The following STK3 variants were observed in gnomAD, a reference collection of about 807,000 sequenced individuals.
STK3 encodes the protein serine/threonine-protein kinase 3.
A neutral mutation model predicts 58.0 loss-of-function variants in STK3; 41 were observed. The observed-to-expected ratio is 0.71, with a 90% CI of 0.55 to 0.92. The LOEUF (loss-of-function observed/expected upper bound fraction) is 0.92. Among genes scored for constraint, STK3 ranks in the 40% least tolerant of loss-of-function variants. The pLI, the probability that STK3 is intolerant of heterozygous loss-of-function variation, is 0.00. For missense variants in STK3, 479 were observed against 602.7 expected, an observed-to-expected ratio of 0.79 and a Z score of 2.15; for synonymous variants, 170 against 191.0, an observed-to-expected ratio of 0.89 and a Z score of 0.91.
intron 6 of STK3, among the ~76,000 whole-genome samples, chr8:98,615,193 AG>A (rs1457018214): frequency 6.6e-6 from 1 of 151,786 alleles, no homozygotes; most frequent in East Asian, 1.9e-4. Context: ...ACCCCCTAGC[AG>A]GGGCACACTG....
At chr8:98,472,238 T>G (rs566971304) in intron 10 of STK3, among the ~76,000 whole-genome samples, 1 of 152,186 alleles carries the variant, frequency 6.6e-6, no homozygotes, top group Non-Finnish European at 1.5e-5. Context: ...GTTAAATATA[T>G]GTAGTTTACT....
intron 6 of STK3, among the ~76,000 whole-genome samples, chr8:98,698,812 C>T (rs7846219): frequency 0.046 from 6,957 of 151,994 alleles, 161 homozygotes; most frequent in East Asian, 0.063. Flanking sequence ...TCCTTCATTT[C>T]AACTTTGGTG....
intron 8 of STK3, among the ~76,000 whole-genome samples, chr8:98,562,389 G>A (rs1440023021): frequency 2.0e-5 from 3 of 151,942 alleles, no homozygotes; most frequent in Non-Finnish European, 4.4e-5. Flanking sequence ...TACAAAAAAC[G>A]TAGTGTTAAA....
chr8:98,509,094 T>C (rs980469228), intron 10 of STK3, among the ~76,000 whole-genome samples: 1 of 152,068 alleles, frequency 6.6e-6, no homozygotes, highest in Non-Finnish European at 1.5e-5. Context: ...TGATCTAACC[T>C]GCTAGAGATT....
At chr8:98,802,900 A>G (rs190778015) in intron 1 of STK3, among the ~76,000 whole-genome samples, 1 of 152,334 alleles carries the variant, frequency 6.6e-6, no homozygotes, top group African/African-American at 2.4e-5. Flanking sequence ...CTGTGTGTGT[A>G]TGTGCGTGTT....
At chr8:98,791,442 T>C (rs554987467) in intron 1 of STK3, among the ~76,000 whole-genome samples, 5 of 152,214 alleles carry the variant, frequency 3.3e-5, no homozygotes, top group Admixed American at 2.6e-4. Context: ...AATACCACCA[T>C]CATTCTTCAC....
intron 4 of STK3, among the ~76,000 whole-genome samples, chr8:98,728,699 T>C (rs1392401265): frequency 3.3e-5 from 5 of 152,064 alleles, no homozygotes; most frequent in Non-Finnish European, 5.9e-5. Context: ...CCAGTATCTA[T>C]TACACAAAGG....
At chr8:98,797,449 A>G (rs1187412449) in intron 1 of STK3, among the ~76,000 whole-genome samples, 2 of 152,226 alleles carry the variant, frequency 1.3e-5, no homozygotes, top group Admixed American at 6.5e-5. Flanking sequence ...GCTTAGATCA[A>G]GGCAATAAGA....
chr8:98,557,735 C>T (rs541654604), intron 8 of STK3, among the ~76,000 whole-genome samples: 69 of 152,200 alleles, frequency 4.5e-4, no homozygotes, highest in Non-Finnish European at 9.0e-4. Flanking sequence ...CCTTTCACTA[C>T]GAAATCAGCT....
At chr8:98,470,410 T>C (rs1820831514) in intron 10 of STK3, among the ~76,000 whole-genome samples, 1 of 152,230 alleles carries the variant, frequency 6.6e-6, no homozygotes, top group South Asian at 2.1e-4. Context: ...ATTACCCCAG[T>C]TGTGAGAGAC....
chr8:98,345,983 T>C, the STK3 span, among the ~76,000 whole-genome samples: 1 of 152,086 alleles, frequency 6.6e-6, no homozygotes, highest in South Asian at 2.1e-4. Flanking sequence ...AGAAATAGTT[T>C]CAAAAGTTAA....
chr8:98,366,152 G>A, the STK3 span, among the ~76,000 whole-genome samples: 1 of 152,178 alleles, frequency 6.6e-6, no homozygotes, highest in South Asian at 2.1e-4. Context: ...ACTTTGTATT[G>A]TTGTGATTTT....
At chr8:98,602,876 T>TGAA (rs1491559534) in intron 6 of STK3, among the ~76,000 whole-genome samples, 152 of 136,380 alleles carry the variant, frequency 1.1e-3, no homozygotes, top group African/African-American at 3.7e-3. Context: ...TCCAAATAAC[T>TGAA]AAAAAAAAAA....
At chr8:98,704,994 G>C (rs1825868299) in intron 6 of STK3, among the ~76,000 whole-genome samples, 1 of 152,138 alleles carries the variant, frequency 6.6e-6, no homozygotes, top group Admixed American at 6.5e-5. Flanking sequence ...GATGAAATAA[G>C]ACTTTGTGTT....
chr8:98,539,051 A>G (rs1810015093), intron 9 of STK3, among the ~76,000 whole-genome samples: 1 of 152,220 alleles, frequency 6.6e-6, no homozygotes. Context: ...TCCTAAGTTA[A>G]AGAGGAATGG....
At chr8:98,452,950 A>G (rs371823086), downstream of STK3, among the ~76,000 whole-genome samples, 22,616 of 90,482 alleles carry the variant, frequency 0.25, 3,536 homozygotes, top group Admixed American at 0.33. Context: ...TAGTAGAGAC[A>G]GGGTTTCACC....
chr8:98,759,362 C>T (rs539307678), intron 3 of STK3, among the ~76,000 whole-genome samples: 5 of 150,940 alleles, frequency 3.3e-5, no homozygotes, highest in Non-Finnish European at 7.4e-5. Flanking sequence ...ATGGGGCCCA[C>T]GGCCTAGCAG....
rs1309653797 is a variant in STK3 at position 98,547,882 on chromosome 8, TA to T, written c.1141+86del. 2.4e-6 allele frequency: 3 copies of T among 1,239,196 alleles called. No individual in the cohort carries two copies. The African/African-American group carries it at 4.7e-5, about 19-fold the overall frequency. 76.8% of individuals were successfully genotyped at this position (1,239,196 alleles called of 1,614,324 possible). Reference sequence around the variant, plus strand: ...AAACAAAATTTTCCACAGTTGGCTATAAAAAGTAACACAGAACTAGCCTGGT... The same window carrying T: ...AAACAAAATTTTCCACAGTTGGCTATAAAAGTAACACAGAACTAGCCTGGT... On this transcript the variant is annotated intron_variant, in intron 9 of 10. Coordinates refer to ENST00000419617, the MANE Select transcript of STK3 (RefSeq NM_006281.4).
chr8:98,904,584 C>T, intron 1 of STK3: 1 of 565,672 alleles, frequency 1.8e-6, no homozygotes, highest in Admixed American at 1.9e-5. Flanking sequence ...AGCAATTATT[C>T]TACCTCCAGT....
Sources: gnomAD v4.1 joint callset for allele counts (sites outside exome capture counted in the v4.1 genomes callset) on GRCh38, gnomAD v4.1.1 for gene constraint, MANE v1.5 for transcripts, NCBI Gene and HGNC (gene_info 2026-07-23, HGNC 2026-07-21) for gene names.